IL1RL1: variants seen among roughly 807,000 people sequenced by gnomAD.
IL1RL1 encodes interleukin-1 receptor-like 1.
In IL1RL1, 32 loss-of-function variants were observed where a neutral mutation model predicts 50.9. The ratio of observed to expected loss-of-function variants is 0.63; its 90% CI spans 0.47 to 0.84. IL1RL1 has a LOEUF of 0.84. IL1RL1 is among the 40% of genes least tolerant of loss of function. The pLI, the probability that IL1RL1 is intolerant of heterozygous loss-of-function variation, is 0.00. For synonymous variants in IL1RL1, 275 were observed against 236.0 expected (o/e 1.17, Z -1.51); for missense variants, 773 against 662.9 (o/e 1.17, Z -1.82).
At chr2:102,332,462 T>C (rs1374367796) in intron 1 of IL1RL1, among the ~76,000 whole-genome samples, 1 of 152,150 alleles carries the variant, frequency 6.6e-6, no homozygotes, top group Non-Finnish European at 1.5e-5. Context: ...CAGTGGAATA[T>C]TATTCAGTCA....
chr2:102,349,121 A>G lies in IL1RL1; in HGVS notation c.1160A>G (p.Tyr387Cys). 3 of 1,613,742 alleles carry G rather than the reference A, an allele frequency of 1.9e-6. No homozygotes were observed. Among genetic ancestry groups the G allele is most frequent in the Middle Eastern group, 3.3e-4 (2 of 6,060 alleles). The change falls in exon 10 of 11, where the codon TAC becomes TGC. Residue 387 changes from tyrosine (Y) to cysteine (C), a missense_variant. Transcript: ENST00000233954. ...GCTTATGTTGTCTACCCACGGAACT[A>G]CAAATCCAGTACAGATGGGGCCAGT... is the stretch of plus-strand genomic sequence containing the variant. Reference protein sequence around the residue: ...YDAYVVYPRNYKSSTDGASRV... With the variant: ...YDAYVVYPRNCKSSTDGASRV...
At position 102,343,432 on chromosome 2, in the gene IL1RL1, A is replaced by C; in HGVS notation, c.970+17A>C. On this transcript the variant is annotated intron_variant, in intron 8 of 10. Transcript: ENST00000233954. The stretch of plus-strand genomic sequence containing the variant: ...AAAATCCAAGTAAGGAGTGTTTCTG[A>C]GACTTTGATCACCTGAACTTTCTCT... 1 of 1,614,190 alleles carries C rather than the reference A, an allele frequency of 6.2e-7. No individual in the cohort carries two copies. The highest frequency in any genetic ancestry group is 8.5e-7 in the Non-Finnish European group (1 of 1,180,032).
intron 9 of IL1RL1, among the ~76,000 whole-genome samples, chr2:102,348,573 G>A (rs889758500): frequency 1.3e-5 from 2 of 152,208 alleles, no homozygotes; most frequent in Non-Finnish European, 2.9e-5. Context: ...CTGCCTGCTA[G>A]ATGCAAACTT....
chr2:102,346,132 C>T (rs1173125282), intron 8 of IL1RL1: 5 of 876,660 alleles, frequency 5.7e-6, no homozygotes, highest in Non-Finnish European at 6.8e-6. Flanking sequence ...TTTTTTATTT[C>T]TGAAATTATA....
intron 1 of IL1RL1, among the ~76,000 whole-genome samples, chr2:102,336,796 G>T (rs902780535): frequency 2.0e-5 from 3 of 152,094 alleles, no homozygotes; most frequent in Admixed American, 2.0e-4. Flanking sequence ...CCTAGACAGA[G>T]AATTTCTAAG....
intron 1 of IL1RL1, chr2:102,337,002 G>A (rs1293550641): frequency 6.6e-6 from 1 of 152,144 alleles, no homozygotes; most frequent in East Asian, 1.9e-4. Flanking sequence ...CCCAATATCG[G>A]GGTACAGGCA....
downstream of IL1RL1, chr2:102,352,094 GC>G: frequency 1.6e-6 from 1 of 627,978 alleles, no homozygotes; most frequent in Non-Finnish European, 2.6e-6. Flanking sequence ...ATGCAAAATG[GC>G]CAGAAATTTT....
At chr2:102,328,246 G>A (rs959147454) in intron 1 of IL1RL1, among the ~76,000 whole-genome samples, 13 of 152,240 alleles carry the variant, frequency 8.5e-5, no homozygotes, top group African/African-American at 3.1e-4. Context: ...CAGAACCAAT[G>A]ACAAAAACCA....
intron 5 of IL1RL1, among the ~76,000 whole-genome samples, 163 bp downstream of exon 5, chr2:102,340,991 C>A (rs1274176100): frequency 6.6e-6 from 1 of 152,162 alleles, no homozygotes; most frequent in East Asian, 1.9e-4. Flanking sequence ...AAGAGGTTTT[C>A]TGAACACACT....
Position 102,351,841 on chromosome 2 carries a change from G to T in IL1RL1, c.1591G>T (p.Val531Leu). ...RSLNSKFWKH[V>L]RYQMPVPSKI... is the part of the protein sequence containing the mutation. ...CCTGAATTCTAAATTCTGGAAGCAC[G>T]TGAGGTACCAAATGCCTGTGCCAAG... The change falls in exon 11 of 11, where the codon GTG becomes TTG. Residue 531 changes from valine (V) to leucine (L), a missense_variant. By Grantham distance (32) the Val-to-Leu change is conservative. Transcript: ENST00000233954. 1.2e-6 allele frequency: 2 copies of T among 1,613,926 alleles called. No homozygotes were observed. Among genetic ancestry groups the T allele is most frequent in the Non-Finnish European group, 1.7e-6 (2 of 1,179,876 alleles).
rs374183686 is a variant in IL1RL1 at position 102,342,353 on chromosome 2, C to T, written c.682+59C>T. ...CCTGGAAAAATCCTTCCATATGACC[C>T]CTGTTCTGAATTCCCTTAGCAGGGG... On this transcript the variant is annotated intron_variant, in intron 6 of 10. Transcript: ENST00000233954. 163 of 1,211,578 alleles carry T rather than the reference C, an allele frequency of 1.3e-4. No individual in the cohort carries two copies. The African/African-American group carries it at 2.1e-3, about 16-fold the overall frequency. 75.1% of individuals were successfully genotyped at this position (1,211,578 alleles called of 1,614,324 possible). A position where few individuals can be genotyped will look rare whatever the true frequency, so the allele number is the denominator to read the frequency against.
chr2:102,326,649 T>A (rs1347985314), intron 1 of IL1RL1, among the ~76,000 whole-genome samples: 4 of 149,028 alleles, frequency 2.7e-5, no homozygotes, highest in Admixed American at 2.0e-4. Flanking sequence ...AATAAAGGGA[T>A]GGCGGAAGAT....
Position 102,343,329 on chromosome 2 carries a change from A to C in IL1RL1, c.884A>C (p.Glu295Ala). Residue 295 changes from glutamate to alanine, a missense_variant, in exon 8 of 11, where the codon GAG becomes GCG. Coordinates refer to ENST00000233954, the MANE Select transcript of IL1RL1 (RefSeq NM_016232.5). ...MVLRIADVKE[E>A]DLLLQYDCLA... is the part of the protein sequence containing the mutation. ...TTAAGAATAGCTGACGTGAAGGAAG[A>C]GGATTTATTGCTGCAGTACGACTGT... is the stretch of plus-strand genomic sequence containing the variant. 6 of 1,614,244 alleles carry C rather than the reference A, an allele frequency of 3.7e-6. No homozygotes were observed. The highest frequency in any genetic ancestry group is 5.1e-6 in the Non-Finnish European group (6 of 1,180,048).
intron 1 of IL1RL1, among the ~76,000 whole-genome samples, chr2:102,328,985 C>G (rs949279714): frequency 6.6e-6 from 1 of 152,168 alleles, no homozygotes; most frequent in Admixed American, 6.5e-5. Flanking sequence ...TTGGAAAAAA[C>G]TACTTTAAAG....
rs114655458 is a variant in IL1RL1 at position 102,346,227 on chromosome 2, C to A, written c.971-1718C>A. On this transcript the variant is annotated intron_variant, in intron 8 of 10. Coordinates refer to ENST00000233954, the MANE Select transcript of IL1RL1 (RefSeq NM_016232.5). ...TATTACTAAATACATATTTGATGCT[C>A]ATAATAATAATACACATTTATTCAT... 95 of 170,764 alleles carry A rather than the reference C, an allele frequency of 5.6e-4. 1 individual carries two copies. Among genetic ancestry groups the A allele is most frequent in the African/African-American group, 2.1e-3 (88 of 41,952 alleles). The allele number at this position is 170,764 out of a possible 1,614,324, so 10.6% of individuals were successfully genotyped here.
chr2:102,329,644 A>T (rs1677116475), intron 1 of IL1RL1, among the ~76,000 whole-genome samples: 1 of 152,226 alleles, frequency 6.6e-6, no homozygotes, highest in South Asian at 2.1e-4. Flanking sequence ...ATTTACAAGA[A>T]AAAAACAAAC....
chr2:102,343,686 T>C, intron 8 of IL1RL1: 1 of 1,365,766 alleles, frequency 7.3e-7, no homozygotes. Context: ...TGGTCATCCT[T>C]GTTTTCTAAC....
chr2:102,345,522 A>G (rs769369814), intron 8 of IL1RL1: 11 of 985,402 alleles, frequency 1.1e-5, no homozygotes, highest in Non-Finnish European at 1.3e-5. Context: ...TGTGTGTGGT[A>G]TGGTTAGGAT....
At chr2:102,348,699 C>T (rs1315010295) in intron 9 of IL1RL1, among the ~76,000 whole-genome samples, 35 of 152,148 alleles carry the variant, frequency 2.3e-4, no homozygotes, top group Admixed American at 2.3e-3. Context: ...TATGCCCTTG[C>T]TACTATTAGC....
Sources: allele counts gnomAD v4.1 joint callset (sites outside exome capture counted in the v4.1 genomes callset), GRCh38; gene constraint gnomAD v4.1.1; transcripts MANE v1.5; gene names NCBI Gene and HGNC (gene_info 2026-07-23, HGNC 2026-07-21).